Variants in SMG5 observed in about 807,000 individuals in gnomAD.
SMG5 encodes SMG5 nonsense mediated mRNA decay factor.
In SMG5, 53 loss-of-function variants were observed where a neutral mutation model predicts 122.9. That is an observed-to-expected ratio of 0.43 (90% CI 0.35 to 0.54). SMG5 has a LOEUF of 0.54. SMG5 is among the 20% of genes least tolerant of loss of function. The pLI is 0.01. For missense variants in SMG5, 1,153 were observed against 1,285.6 expected, an observed-to-expected ratio of 0.90 and a Z score of 1.58; for synonymous variants, 477 against 490.2, an observed-to-expected ratio of 0.97 and a Z score of 0.35.
At chr1:156,273,230 G>T in intron 6 of SMG5, 131 bp downstream of exon 6, 1 of 711,868 alleles carries the variant, frequency 1.4e-6, no homozygotes, top group Non-Finnish European at 2.5e-6. Flanking sequence ...TATAAACAAG[G>T]TGAAGTACGA....
upstream of SMG5, chr1:156,286,252 C>G: frequency 6.2e-7 from 1 of 1,613,596 alleles, no homozygotes; most frequent in Non-Finnish European, 8.5e-7. Flanking sequence ...TTTCCCAACT[C>G]CACCCAGGGA....
chr1:156,253,411 C>T (rs1466777355), intron 17 of SMG5, 38 bp downstream of exon 17: 4 of 1,607,216 alleles, frequency 2.5e-6, no homozygotes, highest in Middle Eastern at 1.7e-4. Context: ...AAAAGCTCTA[C>T]CAAGTGCAGA....
intron 19 of SMG5, 77 bp downstream of exon 19, chr1:156,252,337 C>T: frequency 1.4e-6 from 2 of 1,389,218 alleles, no homozygotes; most frequent in Non-Finnish European, 1.0e-6. Flanking sequence ...CCATAGGGAG[C>T]AAGGGGCTTT....
chr1:156,282,521 C>G (rs781245824), intron 1 of SMG5, 86 bp downstream of exon 1: 187 of 1,460,458 alleles, frequency 1.3e-4, no homozygotes, highest in Non-Finnish European at 1.6e-4. Context: ...ACCCCGACAC[C>G]CGGGCCCCGC....
At chr1:156,266,799 TTC>T in intron 10 of SMG5, 121 bp from the exon 11 acceptor site, 4 of 1,163,522 alleles carry the variant, frequency 3.4e-6, no homozygotes, top group East Asian at 2.7e-5. Flanking sequence ...TTATCAAAGA[TTC>T]TTTTTTTTTT....
chr1:156,288,606 G>A, the SMG5 span, among the ~76,000 whole-genome samples: 1 of 152,058 alleles, frequency 6.6e-6, no homozygotes, highest in Non-Finnish European at 1.5e-5. Flanking sequence ...CCAAAGTGCT[G>A]GGATTACAGG....
chr1:156,252,088 A>C (rs1254591414), intron 19 of SMG5, among the ~76,000 whole-genome samples: 2 of 152,170 alleles, frequency 1.3e-5, no homozygotes, highest in African/African-American at 4.8e-5. Flanking sequence ...ATTCCTATAA[A>C]GGAGTTCACA....
At position 156,268,432 on chromosome 1, in the gene SMG5, TG is replaced by T. The variant is rs1662257781; in HGVS notation, c.714-18del. 1 of 1,611,334 alleles carries T rather than the reference TG, an allele frequency of 6.2e-7. No homozygotes were observed. Among genetic ancestry groups the T allele is most frequent in the African/African-American group, 1.3e-5 (1 of 74,832 alleles). ...GACTGGATGCTGTAAGAGATAGAGGTGAGCTACTGAGTCTTGGCAGGGGGAG... is the reference window on the plus strand; with the variant it reads ...GACTGGATGCTGTAAGAGATAGAGGTAGCTACTGAGTCTTGGCAGGGGGAG... On this transcript the variant is annotated intron_variant, in intron 7 of 21. Coordinates refer to ENST00000361813, the MANE Select transcript of SMG5 (RefSeq NM_015327.3).
chr1:156,250,270 G>C lies in SMG5; in HGVS notation c.*317C>G, dbSNP rs1661286236. 2.5e-6 allele frequency: 1 copy of C among 405,964 alleles called. No homozygotes were observed. The highest frequency in any genetic ancestry group is 3.9e-5 in the Admixed American group (1 of 25,738). 25.1% of individuals were successfully genotyped at this position (405,964 alleles called of 1,614,324 possible). A position where few individuals can be genotyped will look rare whatever the true frequency, so the allele number is the denominator to read the frequency against. ...CTCAGAGATCCAAGAACCCATTCCA[G>C]TGAAATGCAGGTACCCATGCCTACC... On this transcript the variant is annotated 3_prime_UTR_variant, in exon 22 of 22. Coordinates refer to ENST00000361813, the MANE Select transcript of SMG5 (RefSeq NM_015327.3).
At chr1:156,259,221 C>A in intron 15 of SMG5, 58 bp from the exon 16 acceptor site, 1 of 1,453,204 alleles carries the variant, frequency 6.9e-7, no homozygotes, top group Non-Finnish European at 9.1e-7. Flanking sequence ...ACCCACCCTG[C>A]CCTCCAGGAC....
rs1662235658 is a variant in SMG5, at chr1:156,268,060, A to C, written c.908+55T>G. ...ACCCTTGTCAAGGTTCCTTCTGTAA[A>C]GCATCATGGCTGGGGCTCACAGGAT... On this transcript the variant is annotated intron_variant, in intron 9 of 21. Transcript: ENST00000361813. 3.2e-6 allele frequency: 5 copies of C among 1,575,702 alleles called. No individual in the cohort carries two copies. The Admixed American group carries it at 8.9e-5, about 28-fold the overall frequency.
At chr1:156,269,344 G>GACTCAAGTGAC (rs1662296013) in intron 7 of SMG5, among the ~76,000 whole-genome samples, 1 of 152,050 alleles carries the variant, frequency 6.6e-6, no homozygotes, top group Admixed American at 6.6e-5. Flanking sequence ...TAAACTCCTG[G>GACTCAAGTGAC]ACTCAAGTGA....
At chr1:156,264,267 C>CAAAAAAAAAAAAA (rs1205363773) in intron 12 of SMG5, among the ~76,000 whole-genome samples, 6 of 53,978 alleles carry the variant, frequency 1.1e-4, no homozygotes, top group African/African-American at 4.1e-4. Flanking sequence ...GACTCCGTCT[C>CAAAAAAAAAAAAA]AAAAAAAAAA....
rs566114252 is a variant in SMG5, at chr1:156,264,829, C to G, written c.1855+952G>C. On this transcript the variant is annotated intron_variant, in intron 12 of 21. Transcript: ENST00000361813. ...TCACCTAAGGTCAGGAGTTTGAGAC[C>G]AGCCTGGCCAACATGGCGAAACCCC... Among the ~76,000 whole-genome samples the G allele has an allele frequency of 1.2e-3, 190 of 152,164 alleles. 1 individual carries two copies. The highest frequency in any genetic ancestry group is 4.4e-3 in the African/African-American group (181 of 41,508).
chr1:156,276,976 T>C, intron 4 of SMG5, 109 bp downstream of exon 4: 6 of 1,091,400 alleles, frequency 5.5e-6, no homozygotes, highest in Non-Finnish European at 8.0e-6. Flanking sequence ...GTAGTTCTGC[T>C]AGAACTCTCT....
intron 5 of SMG5, among the ~76,000 whole-genome samples, chr1:156,273,741 G>C (rs1189650960): frequency 2.1e-5 from 2 of 93,718 alleles, no homozygotes; most frequent in Non-Finnish European, 4.3e-5. Context: ...TTTTTTTTTA[G>C]AGACGGGGTC....
chr1:156,258,991 A>G lies in SMG5; in HGVS notation c.2442+14T>C. 1 of 1,613,070 alleles carries G rather than the reference A, an allele frequency of 6.2e-7. No individual in the cohort carries two copies. Among genetic ancestry groups the G allele is most frequent in the Non-Finnish European group, 8.5e-7 (1 of 1,179,642 alleles). ...TGGGAGCAGAGCTGACGGGGAGGGGAAGGCCTGACTCACCATTCGGAACTG... is the reference window on the plus strand; with the variant it reads ...TGGGAGCAGAGCTGACGGGGAGGGGGAGGCCTGACTCACCATTCGGAACTG... On this transcript the variant is annotated intron_variant, in intron 16 of 21. Coordinates refer to ENST00000361813, the MANE Select transcript of SMG5 (RefSeq NM_015327.3).
upstream of SMG5, chr1:156,286,215 T>C (rs1663155987): frequency 6.3e-7 from 1 of 1,592,254 alleles, no homozygotes; most frequent in South Asian, 1.1e-5. Context: ...CTTGTGCCCT[T>C]CCCCTGCCTT....
At chr1:156,272,757 T>C (rs1461777814) in intron 6 of SMG5, among the ~76,000 whole-genome samples, 1 of 152,108 alleles carries the variant, frequency 6.6e-6, no homozygotes, top group Non-Finnish European at 1.5e-5. Context: ...TTTGTATTTT[T>C]AGTAGAGACG....
Sources: gnomAD v4.1 joint callset for allele counts (sites outside exome capture counted in the v4.1 genomes callset) on GRCh38, gnomAD v4.1.1 for gene constraint, MANE v1.5 for transcripts, NCBI Gene and HGNC (gene_info 2026-07-23, HGNC 2026-07-21) for gene names.